Variants in BCL2A1 observed in about 807,000 individuals in gnomAD.
BCL2A1 encodes the protein BCL2 related protein A1.
Under a neutral mutation model 14.4 loss-of-function variants are expected in BCL2A1, and 10 were observed. That is an observed-to-expected ratio of 0.69 (90% CI 0.43 to 1.18). The LOEUF (loss-of-function observed/expected upper bound fraction) is 1.18, where lower values mean the gene tolerates loss of function less well. BCL2A1 is among the 50% of genes most tolerant of loss of function. The probability of loss-of-function intolerance (pLI) is 0.00; values close to 1 mark genes in which losing one functional copy is unlikely to be tolerated. For missense variants in BCL2A1, 158 were observed against 205.0 expected (o/e 0.77, Z 1.40); for synonymous variants, 71 against 76.5 (o/e 0.93, Z 0.38).
At chr15:79,964,436 T>G (rs958765496) in intron 1 of BCL2A1, among the ~76,000 whole-genome samples, 1 of 152,140 alleles carries the variant, frequency 6.6e-6, no homozygotes, top group Non-Finnish European at 1.5e-5. Context: ...GCCACTGCAC[T>G]CCAGCCTGGG....
At chr15:79,970,294 A>G (rs999690940) in intron 1 of BCL2A1, among the ~76,000 whole-genome samples, 6 of 152,182 alleles carry the variant, frequency 3.9e-5, no homozygotes, top group African/African-American at 1.4e-4. Context: ...CCTAAAAATA[A>G]CAGCATCTGA....
Position 79,970,817 on chromosome 15 carries a change from C to A in BCL2A1, c.303G>T (p.Lys101Asn), listed in dbSNP as rs1314333936. Residue 101 changes from lysine to asparagine, a missense_variant, in exon 1 of 2, where the codon AAG (lysine) becomes AAT (asparagine). Lys to Asn is a moderately conservative substitution (Grantham distance 94). Transcript: ENST00000267953. ...GGGCAATTTGCTGTCGTAGAAGTTT[C>A]TTGATGAGAATACCTTCAAATGCAA... ...TIFAFEGILIKKLLRQQIAPD... is the reference protein window; with the variant it reads ...TIFAFEGILINKLLRQQIAPD... 3 of 1,614,104 alleles carry A rather than the reference C, an allele frequency of 1.9e-6. No individual in the cohort carries two copies. The African/African-American group carries it at 4.0e-5, about 22-fold the overall frequency.
rs748919076 is a variant in BCL2A1, at chr15:79,961,025, G to C, written c.*42C>G. On this transcript the variant is annotated 3_prime_UTR_variant, in exon 2 of 2. Transcript: ENST00000267953. The stretch of plus-strand genomic sequence containing the variant: ...TTGGCAATCGTTTCCATATCAGTCA[G>C]AAAAATTAGGCCGGTTTCACAATAT... 2 of 1,610,072 alleles carry C rather than the reference G, an allele frequency of 1.2e-6. No homozygotes were observed. The highest frequency in any genetic ancestry group is 1.3e-5 in the African/African-American group (1 of 74,830).
chr15:79,962,959 T>C (rs572452939), intron 1 of BCL2A1, among the ~76,000 whole-genome samples: 2 of 152,002 alleles, frequency 1.3e-5, no homozygotes, highest in African/African-American at 4.8e-5. Flanking sequence ...AAATGATGAA[T>C]TCAGCCAGAA....
intron 1 of BCL2A1, among the ~76,000 whole-genome samples, chr15:79,970,311 C>T (rs1314625607): frequency 1.3e-5 from 2 of 152,126 alleles, no homozygotes; most frequent in Non-Finnish European, 1.5e-5. Flanking sequence ...CTGATAGCAA[C>T]TTTCTGTGCT....
chr15:79,963,404 T>C (rs1028685997), intron 1 of BCL2A1, among the ~76,000 whole-genome samples: 3 of 152,158 alleles, frequency 2.0e-5, no homozygotes, highest in Non-Finnish European at 4.4e-5. Flanking sequence ...AGGCCCTTAA[T>C]AGTTTAAAAG....
Position 79,971,021 on chromosome 15 carries a change from C to T in BCL2A1, c.99G>A (p.Thr33=), listed in dbSNP as rs34505045. ...IPQPGSGPSK[T]SRVLQNVAFS... ...ACGCAACATTTTGTAGCACTCTGGA[C>T]GTTTTGCTTGGACCTGATCCAGGTT... is the stretch of plus-strand genomic sequence containing the variant. Residue 33 remains threonine, a synonymous_variant, in exon 1 of 2, where the codon ACG becomes ACA. Transcript: ENST00000267953. The T allele has an allele frequency of 1.0e-3, 1,610 of 1,614,206 alleles. 26 individuals are homozygous for T. The African/African-American group carries it at 0.019, about 19-fold the overall frequency.
At chr15:79,966,757 T>C (rs2035545107) in intron 1 of BCL2A1, among the ~76,000 whole-genome samples, 1 of 145,622 alleles carries the variant, frequency 6.9e-6, no homozygotes, top group Non-Finnish European at 1.5e-5. Context: ...ATGGTAAATA[T>C]GGAAGAGGAC....
In BCL2A1 at chr15:79,960,903, A is replaced by G. The variant is rs1024989870; in HGVS notation, c.*164T>C. Reference sequence around the variant, plus strand: ...GACAAAATGGCATATAGAGAAAAATACATACAATTTATTCATTACATGGGG... The same window carrying G: ...GACAAAATGGCATATAGAGAAAAATGCATACAATTTATTCATTACATGGGG... On this transcript the variant is annotated 3_prime_UTR_variant, in exon 2 of 2. Transcript: ENST00000267953. 2 of 1,172,170 alleles carry G rather than the reference A, an allele frequency of 1.7e-6. No individual in the cohort carries two copies. Among genetic ancestry groups the G allele is most frequent in the African/African-American group, 1.5e-5 (1 of 64,618 alleles). The allele number at this position is 1,172,170 out of a possible 1,614,324, so 72.6% of individuals were successfully genotyped here.
At chr15:79,970,588 A>G (rs2141708857) in intron 1 of BCL2A1, 112 bp downstream of exon 1, 1 of 1,132,050 alleles carries the variant, frequency 8.8e-7, no homozygotes, top group Non-Finnish European at 1.3e-6. Context: ...AAACCACCCA[A>G]GGAAAATAGT....
chr15:79,970,246 T>TA (rs2141708607), intron 1 of BCL2A1, among the ~76,000 whole-genome samples: 1 of 152,262 alleles, frequency 6.6e-6, no homozygotes, highest in African/African-American at 2.4e-5. Context: ...GCGATGAACT[T>TA]ACAAAAATTT....
chr15:79,970,825 G>C lies in BCL2A1; in HGVS notation c.295C>G (p.Leu99Val), dbSNP rs142667711. ...TGCTGTCGTAGAAGTTTCTTGATGA[G>C]AATACCTTCAAATGCAAATATGGTT... is the stretch of plus-strand genomic sequence containing the variant. ...IVTIFAFEGI[L>V]IKKLLRQQIA... Residue 99 changes from leucine (L) to valine (V), a missense_variant, in exon 1 of 2, where the codon CTC becomes GTC. Physicochemically the swap from Leu to Val is conservative, Grantham distance 32. Coordinates refer to ENST00000267953, the MANE Select transcript of BCL2A1 (RefSeq NM_004049.4). The C allele has an allele frequency of 3.3e-4, 529 of 1,614,076 alleles. No individual in the cohort carries two copies. Among genetic ancestry groups the C allele is most frequent in the Non-Finnish European group, 4.3e-4 (508 of 1,180,040 alleles).
At position 79,961,117 on chromosome 15, in the gene BCL2A1, C is replaced by T. The variant is rs754583380; in HGVS notation, c.478G>A (p.Val160Ile). The T allele has an allele frequency of 1.9e-6, 3 of 1,614,094 alleles. No individual in the cohort carries two copies. The highest frequency in any genetic ancestry group is 1.7e-6 in the Non-Finnish European group (2 of 1,179,998). ...AGCATTTCACAGATCTTTCCTGTAA[C>T]TTCTAGAAAAGTCATCCAGCCAGAT... ...PKSGWMTFLE[V>I]TGKICEMLSL... The change falls in exon 2 of 2, where the codon GTT becomes ATT. Residue 160 changes from valine to isoleucine, a missense_variant. By Grantham distance (29) the Val-to-Ile change is conservative (BLOSUM62 3). Transcript: ENST00000267953.
chr15:79,965,707 A>G (rs1379770385), intron 1 of BCL2A1, among the ~76,000 whole-genome samples: 2 of 152,138 alleles, frequency 1.3e-5, no homozygotes, highest in Non-Finnish European at 2.9e-5. Context: ...AGGGTCTTTT[A>G]TTTTTCACTA....
intron 1 of BCL2A1, among the ~76,000 whole-genome samples, chr15:79,966,719 C>G (rs949493188): frequency 7.9e-5 from 12 of 151,744 alleles, no homozygotes; most frequent in Non-Finnish European, 1.8e-4. Flanking sequence ...TCAGCACTTC[C>G]AATTAGGAGA....
At chr15:79,965,134 T>A (rs1469253479) in intron 1 of BCL2A1, among the ~76,000 whole-genome samples, 2 of 152,238 alleles carry the variant, frequency 1.3e-5, no homozygotes, top group South Asian at 4.2e-4. Context: ...TTTTATTTTA[T>A]TTTATTTTTT....
intron 1 of BCL2A1, among the ~76,000 whole-genome samples, chr15:79,965,019 A>G (rs2035525963): frequency 6.6e-6 from 1 of 152,214 alleles, no homozygotes; most frequent in Non-Finnish European, 1.5e-5. Context: ...AGGCTAGGTC[A>G]TGTAGGGCTT....
chr15:79,966,976 T>C (rs956879328), intron 1 of BCL2A1, among the ~76,000 whole-genome samples: 3 of 152,228 alleles, frequency 2.0e-5, no homozygotes, highest in African/African-American at 7.2e-5. Context: ...TAAACTTGTA[T>C]TGAGTACTCA....
chr15:79,967,349 T>C (rs935694658), intron 1 of BCL2A1, among the ~76,000 whole-genome samples: 1 of 151,406 alleles, frequency 6.6e-6, no homozygotes, highest in African/African-American at 2.4e-5. Flanking sequence ...CCTAAGTAGC[T>C]GGGATTATAG....
Sources: gnomAD v4.1 joint callset for allele counts (sites outside exome capture counted in the v4.1 genomes callset) on GRCh38, gnomAD v4.1.1 for gene constraint, MANE v1.5 for transcripts, NCBI Gene and HGNC (gene_info 2026-07-23, HGNC 2026-07-21) for gene names.